Variants in SMURF2 observed in about 807,000 individuals in gnomAD.
SMURF2 encodes the protein SMAD specific E3 ubiquitin protein ligase 2, also known as E3 ubiquitin-protein ligase SMURF2.
A neutral mutation model predicts 109.6 loss-of-function variants in SMURF2; 48 were observed. That is an observed-to-expected ratio of 0.44 (90% confidence interval 0.35 to 0.56). The LOEUF (loss-of-function observed/expected upper bound fraction) is 0.56, where lower values mean the gene tolerates loss of function less well. Ranked by LOEUF, SMURF2 falls within the 20% of genes least tolerant of loss-of-function variation. SMURF2 has a pLI of 0.01. For missense variants in SMURF2, 575 were observed against 909.0 expected, an observed-to-expected ratio of 0.63 and a Z score of 4.72; for synonymous variants, 288 against 317.1, an observed-to-expected ratio of 0.91 and a Z score of 0.97.
intron 9 of SMURF2, among the ~76,000 whole-genome samples, chr17:64,576,336 T>C (rs1216812546): frequency 2.6e-5 from 4 of 152,076 alleles, no homozygotes; most frequent in Non-Finnish European, 2.9e-5. Context: ...GGAAATGCAA[T>C]ATCTGCAGCT....
chr17:64,618,925 C>A (rs560945642), intron 1 of SMURF2, among the ~76,000 whole-genome samples: 2 of 152,006 alleles, frequency 1.3e-5, no homozygotes, highest in East Asian at 3.9e-4. Context: ...TGGGTTTGAA[C>A]CTGGTGCTAT....
intron 1 of SMURF2, among the ~76,000 whole-genome samples, chr17:64,658,450 T>C (rs556540185): frequency 4.6e-5 from 7 of 152,344 alleles, no homozygotes; most frequent in Non-Finnish European, 8.8e-5. Flanking sequence ...CGATAAAATA[T>C]GTAGTGAAAC....
intron 9 of SMURF2, among the ~76,000 whole-genome samples, chr17:64,572,514 CTGTT>C (rs1187885370): frequency 6.6e-6 from 1 of 152,100 alleles, no homozygotes; most frequent in Non-Finnish European, 1.5e-5. Flanking sequence ...AATGAAGAAC[CTGTT>C]TAAGATACAT....
At chr17:64,630,960 T>C (rs1157269221) in intron 1 of SMURF2, among the ~76,000 whole-genome samples, 4 of 151,900 alleles carry the variant, frequency 2.6e-5, no homozygotes, top group African/African-American at 7.3e-5. Flanking sequence ...GTATCCTCCC[T>C]AAGAGCAGCT....
intron 10 of SMURF2, 99 bp from the exon 11 acceptor site, chr17:64,563,065 C>CT: frequency 9.1e-7 from 1 of 1,095,808 alleles, no homozygotes; most frequent in East Asian, 2.6e-5. Flanking sequence ...AAGTCTAGCT[C>CT]TATCATTTTC....
At chr17:64,582,424 A>C (rs566115504) in intron 7 of SMURF2, among the ~76,000 whole-genome samples, 1 of 152,226 alleles carries the variant, frequency 6.6e-6, no homozygotes, top group South Asian at 2.1e-4. Flanking sequence ...CACATAGACT[A>C]TTTGTTTTCA....
intron 1 of SMURF2, among the ~76,000 whole-genome samples, chr17:64,632,775 C>G (rs1970368027): frequency 6.6e-6 from 1 of 152,192 alleles, no homozygotes. Context: ...GTTTCAAATT[C>G]CAGCTTCCCA....
intron 1 of SMURF2, among the ~76,000 whole-genome samples, chr17:64,639,632 A>T (rs1216277494): frequency 6.6e-6 from 1 of 152,200 alleles, no homozygotes; most frequent in African/African-American, 2.4e-5. Flanking sequence ...GCAACTGGAT[A>T]TCATAAGATG....
At chr17:64,646,413 T>C (rs1970560588) in intron 1 of SMURF2, among the ~76,000 whole-genome samples, 1 of 145,600 alleles carries the variant, frequency 6.9e-6, no homozygotes, top group Non-Finnish European at 1.5e-5. Context: ...AGACAAGGTC[T>C]GGCTCTATCG....
At chr17:64,597,633 T>C (rs1969836223) in intron 3 of SMURF2, among the ~76,000 whole-genome samples, 1 of 151,318 alleles carries the variant, frequency 6.6e-6, no homozygotes, top group Non-Finnish European at 1.5e-5. Context: ...ATTAGCTGAA[T>C]GTGGTGGTGG....
At chr17:64,622,861 A>G (rs1258062982) in intron 1 of SMURF2, among the ~76,000 whole-genome samples, 2 of 152,192 alleles carry the variant, frequency 1.3e-5, no homozygotes, top group Non-Finnish European at 2.9e-5. Context: ...TAAGAGTGGG[A>G]TATCTACATA....
chr17:64,660,317 C>T (rs1053127225), intron 1 of SMURF2, among the ~76,000 whole-genome samples: 14 of 152,116 alleles, frequency 9.2e-5, no homozygotes, highest in Non-Finnish European at 2.1e-4. Context: ...GCAACAGCAA[C>T]AGATAAACTC....
intron 1 of SMURF2, among the ~76,000 whole-genome samples, chr17:64,617,413 G>A (rs1455789722): frequency 6.6e-6 from 1 of 152,136 alleles, no homozygotes; most frequent in Non-Finnish European, 1.5e-5. Flanking sequence ...AGGTTCTGAG[G>A]TAATTATCCT....
At chr17:64,633,305 T>A (rs1970373627) in intron 1 of SMURF2, among the ~76,000 whole-genome samples, 1 of 152,176 alleles carries the variant, frequency 6.6e-6, no homozygotes, top group Non-Finnish European at 1.5e-5. Flanking sequence ...GATCTCTACC[T>A]ATAGATTCTT....
At chr17:64,593,207 CTTT>C (rs530314617) in intron 4 of SMURF2, 1 of 212,798 alleles carries the variant, frequency 4.7e-6, no homozygotes, top group East Asian at 1.0e-4. Context: ...TAAAATGTTT[CTTT>C]TTTTTTTAAG....
chr17:64,621,903 A>T (rs1033938358), intron 1 of SMURF2, among the ~76,000 whole-genome samples: 1 of 141,834 alleles, frequency 7.1e-6, no homozygotes, highest in African/African-American at 2.6e-5. Context: ...ATAAATAAAT[A>T]AATAATAATA....
intron 1 of SMURF2, among the ~76,000 whole-genome samples, chr17:64,661,083 C>CA (rs1193491875): frequency 4.6e-5 from 7 of 151,934 alleles, no homozygotes; most frequent in South Asian, 2.1e-4. Context: ...GCACCCCCCC[C>CA]AAAAAAGTGT....
In SMURF2 at chr17:64,542,288, A is replaced by C. The variant is rs1968884356; in HGVS notation, c.*3560T>G. The C allele has an allele frequency of 6.6e-6, 1 of 152,324 alleles. No homozygotes were observed. The highest frequency in any genetic ancestry group is 2.1e-4 in the South Asian group (1 of 4,822). The allele number at this position is 152,324 out of a possible 1,614,324, so 9.4% of individuals were successfully genotyped here. ...ATTCATTACAAACTCAATATTCTTT[A>C]AAAACGTTGATGCTGTGACAGTGCA... is the stretch of plus-strand genomic sequence containing the variant. On this transcript the variant is annotated 3_prime_UTR_variant, in exon 19 of 19. Transcript: ENST00000262435.
rs782686086 is a variant in SMURF2 at position 64,545,815 on chromosome 17, T to C, written c.*33A>G. 1.2e-5 allele frequency: 15 copies of C among 1,270,182 alleles called. No individual in the cohort carries two copies. The highest frequency in any genetic ancestry group is 9.9e-5 in the East Asian group (4 of 40,242). 78.7% of individuals were successfully genotyped at this position (1,270,182 alleles called of 1,614,324 possible). On this transcript the variant is annotated 3_prime_UTR_variant, in exon 19 of 19. Transcript: ENST00000262435. ...AAGGAGGCTGTCAGTCAGGGTTGTA[T>C]AAATAGAGTCCTGGGTAAATCCTTG...
Sources: allele counts gnomAD v4.1 joint callset (sites outside exome capture counted in the v4.1 genomes callset), GRCh38; gene constraint gnomAD v4.1.1; transcripts MANE v1.5; gene names NCBI Gene and HGNC (gene_info 2026-07-23, HGNC 2026-07-21).